Variants in ZNF510 observed in about 807,000 individuals in gnomAD.
The protein encoded by ZNF510 is zinc finger protein 510.
A neutral mutation model predicts 18.1 loss-of-function variants in ZNF510; 15 were observed. That is an observed-to-expected ratio of 0.83 (90% confidence interval 0.55 to 1.28). The LOEUF (loss-of-function observed/expected upper bound fraction) is 1.28. Among genes scored for constraint, ZNF510 ranks in the 50% most tolerant of loss-of-function variants. The pLI, the probability that ZNF510 is intolerant of heterozygous loss-of-function variation, is 0.00. For synonymous variants in ZNF510, 261 were observed against 266.4 expected, an observed-to-expected ratio of 0.98 and a Z score of 0.20; for missense variants, 724 against 791.8, an observed-to-expected ratio of 0.91 and a Z score of 1.03.
intron 3 of ZNF510, among the ~76,000 whole-genome samples, chr9:96,769,067 A>G (rs2118022769): frequency 6.6e-6 from 1 of 152,314 alleles, no homozygotes; most frequent in Admixed American, 6.5e-5. Flanking sequence ...ATAGTTTTCA[A>G]CAGATGATGC....
At chr9:96,762,038 TG>T (rs937467127) in intron 5 of ZNF510, among the ~76,000 whole-genome samples, 13 of 151,782 alleles carry the variant, frequency 8.6e-5, no homozygotes. Context: ...AATGATACAA[TG>T]GACTTTGGAG....
rs1849297888 is a variant in ZNF510, at chr9:96,759,698, C to T, written c.1132G>A (p.Glu378Lys). ...TAGGATTTCTTATTTTCATGATATTCAGAGGATTTAACCCAAGTCTGTGTT... is the reference window on the plus strand; with the variant it reads ...TAGGATTTCTTATTTTCATGATATTTAGAGGATTTAACCCAAGTCTGTGTT... ...DRTQTWVKSS[E>K]YHENKKSYQT... Residue 378 changes from glutamate to lysine, a missense_variant, in exon 6 of 6, where the codon GAA becomes AAA. Transcript: ENST00000223428. 1 of 1,613,704 alleles carries T rather than the reference C, an allele frequency of 6.2e-7. No homozygotes were observed. Among genetic ancestry groups the T allele is most frequent in the African/African-American group, 1.3e-5 (1 of 74,936 alleles).
intron 3 of ZNF510, 63 bp from the exon 4 acceptor site, chr9:96,763,695 A>G: frequency 6.9e-7 from 1 of 1,448,870 alleles, no homozygotes; most frequent in Non-Finnish European, 9.2e-7. Flanking sequence ...GAAAATAGCC[A>G]TGAAAACAAT....
intron 3 of ZNF510, among the ~76,000 whole-genome samples, chr9:96,770,879 T>C (rs1180225724): frequency 6.6e-6 from 1 of 152,100 alleles, no homozygotes; most frequent in Non-Finnish European, 1.5e-5. Flanking sequence ...ACTTTAAAAG[T>C]GTGAATTATA....
chr9:96,760,329 A>G lies in ZNF510; in HGVS notation c.501T>C (p.Val167=). 6.2e-7 allele frequency: 1 copy of G among 1,613,892 alleles called. No homozygotes were observed. Among genetic ancestry groups the G allele is most frequent in the Non-Finnish European group, 8.5e-7 (1 of 1,179,870 alleles). Residue 167 remains valine (V), a synonymous_variant, in exon 6 of 6, where the codon GTT becomes GTC. Transcript: ENST00000223428. ...GKPFTLHVAA[V]ASTKMSCKCN... ...ATTTGCAGGACATTTTTGTTGAAGC[A>G]ACAGCAGCTACATGCAGAGTAAATG...
rs1849165684 is a variant in ZNF510 at position 96,755,115 on chromosome 9, C to G, written c.*3663G>C. ...CTCTGCTAAGGGACAGCAGGTGAAG[C>G]CTGAGTCCCCAGTCATGGGGCTTTG... On this transcript the variant is annotated 3_prime_UTR_variant, in exon 6 of 6. Transcript: ENST00000223428. 6.6e-6 allele frequency among the ~76,000 whole-genome samples: 1 copy of G among 152,196 alleles called. No homozygotes were observed. Among genetic ancestry groups the G allele is most frequent in the African/African-American group, 2.4e-5 (1 of 41,450 alleles).
chr9:96,760,004 G>C lies in ZNF510; in HGVS notation c.826C>G (p.His276Asp). 3.1e-6 allele frequency: 5 copies of C among 1,613,022 alleles called. No individual in the cohort carries two copies. Among genetic ancestry groups the C allele is most frequent in the Non-Finnish European group, 4.2e-6 (5 of 1,179,894 alleles). The change falls in exon 6 of 6, where the codon CAC becomes GAC. Residue 276 changes from histidine (H) to aspartate (D), a missense_variant. Physicochemically the swap from His to Asp is moderately conservative, Grantham distance 81 (BLOSUM62 -1). Coordinates refer to ENST00000223428, the MANE Select transcript of ZNF510 (RefSeq NM_014930.3). ...TCTTTAGAGGATGTTTCTCCTGTGT[G>C]AGAACTGTTATGTTTAACACAGTTA... is the stretch of plus-strand genomic sequence containing the variant. ...KANCVKHNSSHTGETSSKDDE... is the reference protein window; with the variant it reads ...KANCVKHNSSDTGETSSKDDE...
intron 3 of ZNF510, among the ~76,000 whole-genome samples, chr9:96,773,065 ACATTCC>A (rs1849615861): frequency 6.6e-6 from 1 of 152,208 alleles, no homozygotes; most frequent in South Asian, 2.1e-4. Context: ...ACAGAGCAAA[ACATTCC>A]CTTGAAAACT....
intron 2 of ZNF510, 28 bp downstream of exon 2, chr9:96,775,972 T>A: frequency 6.3e-7 from 1 of 1,594,800 alleles, no homozygotes; most frequent in African/African-American, 1.3e-5. Flanking sequence ...AGTCTGACAG[T>A]CACCCACGCC....
Position 96,763,128 on chromosome 9 carries a change from C to G in ZNF510, c.342G>C (p.Gln114His). Residue 114 changes from glutamine to histidine, a missense_variant, in exon 5 of 6, where the codon CAG becomes CAC. By Grantham distance (24) the Gln-to-His change is conservative. Transcript: ENST00000223428. ...TGCTCAGTAACTCACTTGGGTGACTCTGGTTTGAGAATTCCTCCTCTGAGA... is the reference window on the plus strand; with the variant it reads ...TGCTCAGTAACTCACTTGGGTGACTGTGGTTTGAGAATTCCTCCTCTGAGA... ...PWFSEEEFSN[Q>H]SHPKDYRGDD... 3 of 1,614,032 alleles carry G rather than the reference C, an allele frequency of 1.9e-6. No individual in the cohort carries two copies. Among genetic ancestry groups the G allele is most frequent in the African/African-American group, 2.7e-5 (2 of 75,056 alleles).
rs754787077 is a variant in ZNF510, at chr9:96,759,613, C to T, written c.1217G>A (p.Cys406Tyr). The T allele has an allele frequency of 6.2e-7, 1 of 1,613,898 alleles. No homozygotes were observed. Among genetic ancestry groups the T allele is most frequent in the South Asian group, 1.1e-5 (1 of 91,078 alleles). ...ACAGAAGGATTTCCCACATTCATTA[C>T]ATTTATAGGGTTTCATCATTGAGTG... Reference protein sequence around the residue: ...RSHSMMKPYKCNECGKSFCQK... With the variant: ...RSHSMMKPYKYNECGKSFCQK... Residue 406 changes from cysteine (C) to tyrosine (Y), a missense_variant, in exon 6 of 6, where the codon TGT (cysteine) becomes TAT (tyrosine). Physicochemically the swap from Cys to Tyr is radical, Grantham distance 194 (BLOSUM62 -2). Coordinates refer to ENST00000223428, the MANE Select transcript of ZNF510 (RefSeq NM_014930.3).
intron 1 of ZNF510, among the ~76,000 whole-genome samples, chr9:96,777,144 C>A (rs924014574): frequency 6.6e-6 from 1 of 152,176 alleles, no homozygotes; most frequent in African/African-American, 2.4e-5. Context: ...GGAGGGACAG[C>A]ACAGGAGGTG....
chr9:96,762,195 T>G (rs1052260153), intron 5 of ZNF510, among the ~76,000 whole-genome samples: 71 of 129,392 alleles, frequency 5.5e-4, no homozygotes, highest in African/African-American at 2.0e-3. Context: ...CCCCAAAACC[T>G]GTGGAAATTA....
chr9:96,775,934 C>T, intron 2 of ZNF510, 66 bp downstream of exon 2: 3 of 1,550,596 alleles, frequency 1.9e-6, no homozygotes, highest in Non-Finnish European at 2.6e-6. Context: ...TGGAGAAAAG[C>T]CCTCCAGTAA....
At position 96,755,209 on chromosome 9, in the gene ZNF510, T is replaced by G. The variant is rs1393849250; in HGVS notation, c.*3569A>C. ...TCCACCCTACAGGGTTCCTGATCCT[T>G]AATACCAAACCCAGTCATAATCCTC... On this transcript the variant is annotated 3_prime_UTR_variant, in exon 6 of 6. Coordinates refer to ENST00000223428, the MANE Select transcript of ZNF510 (RefSeq NM_014930.3). 6.6e-6 allele frequency among the ~76,000 whole-genome samples: 1 copy of G among 152,224 alleles called. No individual in the cohort carries two copies. Among genetic ancestry groups the G allele is most frequent in the East Asian group, 1.9e-4 (1 of 5,188 alleles).
rs760998257 is a variant in ZNF510 at position 96,759,469 on chromosome 9, T to C, written c.1361A>G (p.His454Arg). 5 of 1,614,164 alleles carry C rather than the reference T, an allele frequency of 3.1e-6. No individual in the cohort carries two copies. The highest frequency in any genetic ancestry group is 4.2e-6 in the Non-Finnish European group (5 of 1,179,998). The change falls in exon 6 of 6, where the codon CAT becomes CGT. Residue 454 changes from histidine to arginine, a missense_variant. Coordinates refer to ENST00000223428, the MANE Select transcript of ZNF510 (RefSeq NM_014930.3). ...ACATTTATAGGGTTTTTCTGCTGTATGAATTCTCTGATGAGTACTGAGGTG... is the reference window on the plus strand; with the variant it reads ...ACATTTATAGGGTTTTTCTGCTGTACGAATTCTCTGATGAGTACTGAGGTG... ...KSHLSTHQRI[H>R]TAEKPYKCNE...
rs759940566 is a variant in ZNF510, at chr9:96,763,109, G to A, written c.352+9C>T. 1.2e-6 allele frequency: 2 copies of A among 1,612,752 alleles called. No homozygotes were observed. The highest frequency in any genetic ancestry group is 1.7e-6 in the Non-Finnish European group (2 of 1,178,806). On this transcript the variant is annotated intron_variant, in intron 5 of 5. Transcript: ENST00000223428. ...GCAGAATTATGTCTACTACTGCTCA[G>A]TAACTCACTTGGGTGACTCTGGTTT...
In ZNF510 at chr9:96,758,779, C is replaced by A. The variant is rs750301065; in HGVS notation, c.2051G>T (p.Ter684LeuextTer4). The A allele has an allele frequency of 1.5e-5, 24 of 1,565,826 alleles. No homozygotes were observed. The African/African-American group carries it at 3.2e-4, about 21-fold the overall frequency. The stretch of plus-strand genomic sequence containing the variant: ...CAAAAGGATTTTCTAGTTATTACAT[C>A]AATAGGGATTCCCCTCTCCCTGAAT... ...QKIQGEGNPY[*>L] The change falls in exon 6 of 6, where the codon TGA (stop) becomes TTA (leucine). Residue 684 changes from the stop codon to leucine (L), a stop_lost. Transcript: ENST00000223428.
chr9:96,765,804 C>A (rs1184643701), intron 3 of ZNF510, among the ~76,000 whole-genome samples: 1 of 152,148 alleles, frequency 6.6e-6, no homozygotes, highest in East Asian at 1.9e-4. Flanking sequence ...AGCCACTGCG[C>A]CTGGCCGATG....
Sources: gnomAD v4.1 joint callset for allele counts (sites outside exome capture counted in the v4.1 genomes callset) on GRCh38, gnomAD v4.1.1 for gene constraint, MANE v1.5 for transcripts, NCBI Gene and HGNC (gene_info 2026-07-23, HGNC 2026-07-21) for gene names.